Variants in SLC5A4 observed in about 807,000 individuals in gnomAD.
SLC5A4 encodes probable glucose sensor protein SLC5A4.
In SLC5A4, 55 loss-of-function variants were observed where a neutral mutation model predicts 70.3. That is an observed-to-expected ratio of 0.78 (90% CI 0.63 to 0.98). The LOEUF (loss-of-function observed/expected upper bound fraction) is 0.98. SLC5A4 is among the 50% of genes least tolerant of loss of function. The probability of loss-of-function intolerance (pLI) is 0.00; values close to 1 mark genes in which losing one functional copy is unlikely to be tolerated. For synonymous variants in SLC5A4, 268 were observed against 305.7 expected (o/e 0.88, Z 1.29); for missense variants, 735 against 839.2 (o/e 0.88, Z 1.53).
the SLC5A4 span, among the ~76,000 whole-genome samples, chr22:32,306,273 A>G: frequency 0.63 from 95,064 of 151,328 alleles, 29,968 homozygotes; most frequent in East Asian, 0.7. Flanking sequence ...AGACCATCCT[A>G]GCTAACACGG....
the SLC5A4 span, among the ~76,000 whole-genome samples, chr22:32,331,468 G>A: frequency 1.1e-4 from 16 of 152,128 alleles, no homozygotes; most frequent in East Asian, 3.9e-4. Flanking sequence ...CCTGCTTGAG[G>A]ACAATGAGAA....
chr22:32,243,691 G>A (rs1569377689), intron 5 of SLC5A4, among the ~76,000 whole-genome samples: 1 of 152,104 alleles, frequency 6.6e-6, no homozygotes. Flanking sequence ...GGGGTTAAAG[G>A]GCAATGACAT....
At chr22:32,230,918 C>T (rs1217858286) in intron 10 of SLC5A4, 50 bp downstream of exon 10, 6 of 1,132,268 alleles carry the variant, frequency 5.3e-6, no homozygotes, top group African/African-American at 1.5e-5. Context: ...TTCCTCGAGG[C>T]CCGTCTTAGA....
At chr22:32,315,700 A>G in the SLC5A4 span, among the ~76,000 whole-genome samples, 1 of 151,660 alleles carries the variant, frequency 6.6e-6, no homozygotes, top group Non-Finnish European at 1.5e-5. Context: ...CCACAAAACT[A>G]TAAAAGCAGA....
At chr22:32,328,826 A>G in the SLC5A4 span, among the ~76,000 whole-genome samples, 3 of 152,196 alleles carry the variant, frequency 2.0e-5, no homozygotes, top group African/African-American at 4.8e-5. Context: ...ATTCTGGGAG[A>G]GGGAGGATCT....
At chr22:32,286,377 C>T in the SLC5A4 span, among the ~76,000 whole-genome samples, 1 of 152,190 alleles carries the variant, frequency 6.6e-6, no homozygotes, top group South Asian at 2.1e-4. Flanking sequence ...TTCTGTTTCC[C>T]TTTCCATGAC....
At position 32,247,488 on chromosome 22, in the gene SLC5A4, T is replaced by C. The variant is rs751623905; in HGVS notation, c.400A>G (p.Lys134Glu). 1 of 1,613,482 alleles carries C rather than the reference T, an allele frequency of 6.2e-7. No homozygotes were observed. The highest frequency in any genetic ancestry group is 8.5e-7 in the Non-Finnish European group (1 of 1,179,434). ...TGGAGTCGCTCCCCACCAAACCGCT[T>C]CTTGAGATATTCCGGCATGGTCATC... ...GVMTMPEYLK[K>E]RFGGERLQVY... is the part of the protein sequence containing the mutation. The change falls in exon 5 of 15, where the codon AAG (lysine) becomes GAG (glutamate). Residue 134 changes from lysine (K) to glutamate (E), a missense_variant. By Grantham distance (56) the Lys-to-Glu change is moderately conservative (BLOSUM62 1). Coordinates refer to ENST00000266086, the MANE Select transcript of SLC5A4 (RefSeq NM_014227.3).
At chr22:32,257,779 C>T (rs1927567854), upstream of SLC5A4, among the ~76,000 whole-genome samples, 1 of 151,768 alleles carries the variant, frequency 6.6e-6, no homozygotes, top group Admixed American at 6.6e-5. Context: ...GATTCTCCTG[C>T]CTCAGCCTCC....
chr22:32,251,721 C>G, intron 3 of SLC5A4, 49 bp downstream of exon 3: 1 of 1,072,928 alleles, frequency 9.3e-7, no homozygotes, highest in Non-Finnish European at 1.5e-6. Context: ...CATACTAAGA[C>G]ACTGGATATG....
At chr22:32,352,878 A>G in the SLC5A4 span, among the ~76,000 whole-genome samples, 12 of 151,660 alleles carry the variant, frequency 7.9e-5, no homozygotes, top group Admixed American at 5.3e-4. Flanking sequence ...CCCTCCTACC[A>G]CTCCAGCGCT....
At chr22:32,260,015 G>A (rs1004951503), upstream of SLC5A4, among the ~76,000 whole-genome samples, 1 of 152,216 alleles carries the variant, frequency 6.6e-6, no homozygotes, top group Admixed American at 6.5e-5. Context: ...GAGCAGCGAA[G>A]GCCCAGGAAG....
chr22:32,328,626 G>T, the SLC5A4 span, among the ~76,000 whole-genome samples: 1 of 151,984 alleles, frequency 6.6e-6, no homozygotes, highest in Non-Finnish European at 1.5e-5. Context: ...AATGACCATA[G>T]TCTCAGCCAA....
At chr22:32,233,861 CA>C (rs200295046) in intron 8 of SLC5A4, among the ~76,000 whole-genome samples, 10,792 of 130,326 alleles carry the variant, frequency 0.083, 471 homozygotes, top group Middle Eastern at 0.12. Context: ...TTCCAGGAAC[CA>C]AAAAAAAAAA....
At chr22:32,288,527 C>G in the SLC5A4 span, among the ~76,000 whole-genome samples, 1 of 152,204 alleles carries the variant, frequency 6.6e-6, no homozygotes, top group Admixed American at 6.5e-5. Context: ...TAACATATTG[C>G]TTTCTCTGTC....
the SLC5A4 span, among the ~76,000 whole-genome samples, chr22:32,261,078 C>T: frequency 4.6e-5 from 7 of 151,194 alleles, no homozygotes; most frequent in South Asian, 2.1e-4. Flanking sequence ...AAAAAAGTCA[C>T]GAGCACTAGA....
the SLC5A4 span, among the ~76,000 whole-genome samples, chr22:32,320,291 T>C: frequency 0.026 from 3,944 of 152,246 alleles, 141 homozygotes; most frequent in African/African-American, 0.089. Flanking sequence ...TGGGGTCATT[T>C]CTTTGGAAGG....
the SLC5A4 span, among the ~76,000 whole-genome samples, chr22:32,260,522 A>AAC: frequency 4.8e-4 from 72 of 151,330 alleles, no homozygotes; most frequent in Non-Finnish European, 1.5e-4. Flanking sequence ...AAAAAAAAAC[A>AAC]AAACCAAAAA....
chr22:32,309,114 C>T, the SLC5A4 span, among the ~76,000 whole-genome samples: 1 of 138,414 alleles, frequency 7.2e-6, no homozygotes, highest in Non-Finnish European at 1.7e-5. Context: ...GGTGGGTGAG[C>T]AGGCTGCTTC....
intron 5 of SLC5A4, among the ~76,000 whole-genome samples, chr22:32,247,053 T>G (rs1020852303): frequency 6.6e-6 from 1 of 152,234 alleles, no homozygotes; most frequent in Non-Finnish European, 1.5e-5. Context: ...AAGGTTATCT[T>G]GCAATGGAAA....
Sources: allele counts gnomAD v4.1 joint callset (sites outside exome capture counted in the v4.1 genomes callset), GRCh38; gene constraint gnomAD v4.1.1; transcripts MANE v1.5; gene names NCBI Gene and HGNC (gene_info 2026-07-23, HGNC 2026-07-21).